Variants in MACROD1 observed in about 807,000 individuals in gnomAD.
MACROD1 encodes the protein mono-ADP ribosylhydrolase 1, also known as ADP-ribose glycohydrolase MACROD1.
MACROD1 carries 31 observed loss-of-function variants against 41.4 expected under a neutral mutation model. The observed-to-expected ratio is 0.75, with a 90% CI of 0.56 to 1.01. The LOEUF (loss-of-function observed/expected upper bound fraction) is 1.01. Ranked by LOEUF, MACROD1 falls within the 50% of genes least tolerant of loss-of-function variation. The pLI is 0.00. For missense variants in MACROD1, 473 were observed against 460.0 expected, an observed-to-expected ratio of 1.03 and a Z score of -0.26; for synonymous variants, 252 against 203.4, an observed-to-expected ratio of 1.24 and a Z score of -2.03.
chr11:64,008,473 G>A (rs12574201), intron 4 of MACROD1, among the ~76,000 whole-genome samples: 1 of 151,470 alleles, frequency 6.6e-6, no homozygotes, highest in East Asian at 1.9e-4. Context: ...ACTAAATGCA[G>A]CAGTGGAGGG....
Position 64,166,047 on chromosome 11 carries a change from T to A in MACROD1, c.-53A>T. ...CCCACTTGGACTCTATTTACGGCGC[T>A]CGGGAGTGTCTCTCCCTTATTTACT... On this transcript the variant is annotated 5_prime_UTR_variant, in exon 1 of 11. Transcript: ENST00000255681. 8.1e-7 allele frequency: 1 copy of A among 1,240,890 alleles called. No individual in the cohort carries two copies. Among genetic ancestry groups the A allele is most frequent in the Non-Finnish European group, 1.0e-6 (1 of 994,034 alleles). The allele number at this position is 1,240,890 out of a possible 1,614,324, so 76.9% of individuals were successfully genotyped here. A position where few individuals can be genotyped will look rare whatever the true frequency, so the allele number is the denominator to read the frequency against.
chr11:64,005,149 C>T (rs1942889708), intron 4 of MACROD1, among the ~76,000 whole-genome samples: 1 of 152,146 alleles, frequency 6.6e-6, no homozygotes, highest in South Asian at 2.1e-4. Context: ...CCTGCCTCAG[C>T]CTCCTGAGTA....
chr11:64,062,721 C>T (rs927906661), intron 3 of MACROD1, among the ~76,000 whole-genome samples: 7 of 152,216 alleles, frequency 4.6e-5, no homozygotes, highest in African/African-American at 1.2e-4. Flanking sequence ...TCCTGCCCCG[C>T]GCAGCCTGAC....
rs1044999492 is a variant in MACROD1, at chr11:64,146,613, C to T, written c.517+4626G>A. On this transcript the variant is annotated intron_variant, in intron 3 of 10. Coordinates refer to ENST00000255681, the MANE Select transcript of MACROD1 (RefSeq NM_014067.4). This position sits in a 1 kb window ranked among gnomAD's most constrained non-coding sequence, Gnocchi z 4.7. ...CCCTGCAACTTCAAGCCCTGCCACC[C>T]GCCAGCCAGGCATCCCCACTTCTAT... is the stretch of plus-strand genomic sequence containing the variant. Among the ~76,000 whole-genome samples, 5 of 152,120 alleles carry T rather than the reference C, an allele frequency of 3.3e-5. No homozygotes were observed. Among genetic ancestry groups the T allele is most frequent in the African/African-American group, 4.8e-5 (2 of 41,418 alleles).
chr11:64,132,827 C>T (rs757433862), intron 3 of MACROD1, among the ~76,000 whole-genome samples: 3 of 152,324 alleles, frequency 2.0e-5, no homozygotes, highest in African/African-American at 7.2e-5. Context: ...CATCTGTCAC[C>T]GAGCTTCATC....
intron 3 of MACROD1, among the ~76,000 whole-genome samples, chr11:64,093,677 G>GC (rs374143290): frequency 4.9e-4 from 75 of 152,282 alleles, no homozygotes; most frequent in Admixed American, 2.4e-3. Flanking sequence ...GGCTGAACAA[G>GC]CCCCACCCCC....
Position 64,067,491 on chromosome 11 carries a change from TCGGGGA to T in MACROD1, c.518-52216_518-52211del, listed in dbSNP as rs1404098856. On this transcript the variant is annotated intron_variant, in intron 3 of 10. Coordinates refer to ENST00000255681, the MANE Select transcript of MACROD1 (RefSeq NM_014067.4). This position sits in a 1 kb window ranked among gnomAD's most constrained non-coding sequence, Gnocchi z 4.6. ...CAGATAACAGAAGGGAGGAGATAGG[TCGGGGA>T]CGGGGACAGACGGCACCTCCCCAAC... is the stretch of plus-strand genomic sequence containing the variant. 2.0e-5 allele frequency among the ~76,000 whole-genome samples: 3 copies of T among 151,674 alleles called. No individual in the cohort carries two copies. The East Asian group carries it at 5.8e-4, about 29-fold the overall frequency.
chr11:64,018,012 G>C (rs940651325), intron 3 of MACROD1, among the ~76,000 whole-genome samples: 4 of 152,212 alleles, frequency 2.6e-5, no homozygotes, highest in Admixed American at 2.6e-4. Context: ...CCGGCAAGGT[G>C]AGTGGGGTGA....
chr11:64,092,606 T>C (rs1397249571), intron 3 of MACROD1, among the ~76,000 whole-genome samples: 4 of 152,206 alleles, frequency 2.6e-5, no homozygotes, highest in Admixed American at 2.6e-4. Context: ...ACTCCCACTC[T>C]CATTCAGCCC....
At chr11:64,102,353 G>A (rs1208026382) in intron 3 of MACROD1, among the ~76,000 whole-genome samples, 1 of 148,402 alleles carries the variant, frequency 6.7e-6, no homozygotes, top group Non-Finnish European at 1.5e-5. Flanking sequence ...GGCTGCGGGT[G>A]TTGAGGACTG....
rs1944330741 is a variant in MACROD1 at position 64,082,991 on chromosome 11, T to G, written c.518-67710A>C. 1 of 152,424 alleles carries G rather than the reference T, an allele frequency of 6.6e-6. No individual in the cohort carries two copies. The highest frequency in any genetic ancestry group is 6.5e-5 in the Admixed American group (1 of 15,276). 9.4% of individuals were successfully genotyped at this position (152,424 alleles called of 1,614,324 possible). On this transcript the variant is annotated intron_variant, in intron 3 of 10. Coordinates refer to ENST00000255681, the MANE Select transcript of MACROD1 (RefSeq NM_014067.4). The surrounding 1 kb of genome is among the most constrained non-coding windows in gnomAD (Gnocchi z 4.5). ...CCATTGGCACCTCCTGTGTGCCAAG[T>G]GCTGGCTTAGTCTCCCCTGGCGTTT... is the stretch of plus-strand genomic sequence containing the variant.
At chr11:64,028,438 G>A (rs1187850531) in intron 3 of MACROD1, among the ~76,000 whole-genome samples, 1 of 152,242 alleles carries the variant, frequency 6.6e-6, no homozygotes, top group Non-Finnish European at 1.5e-5. Context: ...GGAGGAGGGA[G>A]AGGGAGGAGG....
chr11:64,159,300 C>T (rs1945716737), intron 1 of MACROD1, among the ~76,000 whole-genome samples: 1 of 131,982 alleles, frequency 7.6e-6, no homozygotes, highest in African/African-American at 2.9e-5. Context: ...GCCTGGGTGA[C>T]AGAGCGAGTC....
chr11:64,085,502 G>T (rs566407733), intron 3 of MACROD1, among the ~76,000 whole-genome samples: 1 of 152,230 alleles, frequency 6.6e-6, no homozygotes, highest in South Asian at 2.1e-4. Context: ...AGCTGGCTGG[G>T]ATTGTCCACC....
At chr11:64,115,165 A>G (rs1230357931) in intron 3 of MACROD1, among the ~76,000 whole-genome samples, 1 of 152,228 alleles carries the variant, frequency 6.6e-6, no homozygotes, top group Non-Finnish European at 1.5e-5. Flanking sequence ...TGCTGGCTGC[A>G]TGAAGACACC....
chr11:64,070,011 G>A (rs560294234), intron 3 of MACROD1, among the ~76,000 whole-genome samples: 2 of 152,286 alleles, frequency 1.3e-5, no homozygotes, highest in African/African-American at 2.4e-5. Flanking sequence ...GGGGACAGGC[G>A]GGGATGGTGA....
chr11:64,165,715 C>T lies in MACROD1; in HGVS notation c.280G>A (p.Asp94Asn), dbSNP rs779224038. 11 of 1,470,230 alleles carry T rather than the reference C, an allele frequency of 7.5e-6. No individual in the cohort carries two copies. The highest frequency in any genetic ancestry group is 2.8e-5 in the South Asian group (2 of 71,334). The allele number at this position is 1,470,230 out of a possible 1,614,324, so 91.1% of individuals were successfully genotyped here. Residue 94 changes from aspartate (D) to asparagine (N), a missense_variant, in exon 1 of 11, where the codon GAC becomes AAC. Asp to Asn is a conservative substitution (Grantham distance 23). Coordinates refer to ENST00000255681, the MANE Select transcript of MACROD1 (RefSeq NM_014067.4). ...CACTTACATTTCGCCTCCTTCCAGT[C>T]GGTGGAGGTGCTCAGGTCCACCTTC... The part of the protein sequence containing the change: ...AAKVDLSTST[D>N]WKEAKSFLKG...
chr11:64,041,334 G>GC (rs899846411), intron 3 of MACROD1, among the ~76,000 whole-genome samples: 6 of 150,714 alleles, frequency 4.0e-5, no homozygotes, highest in African/African-American at 1.5e-4. Context: ...CATTCCTGCT[G>GC]CCCCCCACCC....
intron 3 of MACROD1, among the ~76,000 whole-genome samples, chr11:64,016,936 G>C (rs1943089798): frequency 6.6e-6 from 1 of 152,198 alleles, no homozygotes; most frequent in Non-Finnish European, 1.5e-5. Flanking sequence ...ACTCTGGGTG[G>C]GGCCTGTGCC....
Sources: gnomAD v4.1 joint callset for allele counts (sites outside exome capture counted in the v4.1 genomes callset) on GRCh38, gnomAD v4.1.1 for gene constraint, Gnocchi (gnomAD v3.1) non-coding constraint, MANE v1.5 for transcripts, NCBI Gene and HGNC (gene_info 2026-07-23, HGNC 2026-07-21) for gene names.